Variants in GPM6B observed in about 807,000 individuals in gnomAD.
GPM6B encodes glycoprotein M6B.
Under a neutral mutation model 27.2 loss-of-function variants are expected in GPM6B, and 4 were observed. That is an observed-to-expected ratio of 0.15 (90% CI 0.07 to 0.34). The LOEUF (loss-of-function observed/expected upper bound fraction) is 0.34, where lower values mean the gene tolerates loss of function less well. Among genes scored for constraint, GPM6B ranks in the 10% least tolerant of loss-of-function variants. The pLI, the probability that GPM6B is intolerant of heterozygous loss-of-function variation, is 1.00. For synonymous variants in GPM6B, 124 were observed against 103.1 expected (o/e 1.20, Z -1.23); for missense variants, 183 against 261.9 (o/e 0.70, Z 2.08).
At position 13,919,491 on chromosome X, in the gene GPM6B, A is replaced by G. The variant is rs1314903938; in HGVS notation, c.-198+18836T>C. 2.7e-5 allele frequency among the ~76,000 whole-genome samples: 3 copies of G among 112,373 alleles called. No individual in the cohort carries two copies. In the South Asian group the frequency reaches 1.1e-3, roughly 41 times the overall value. On this transcript the variant is annotated intron_variant, in intron 1 of 6. Coordinates refer to the GPM6B transcript ENST00000398361. Reference sequence around the variant, plus strand: ...GATGTTAAAGATGCACCAACTGAAAATTTATAGTAAGATAGAGATCCAAAT... The same window carrying G: ...GATGTTAAAGATGCACCAACTGAAAGTTTATAGTAAGATAGAGATCCAAAT...
Position 13,802,517 on chromosome X carries a change from GATAA to G in GPM6B, c.181+5129_181+5132del, listed in dbSNP as rs1472648272. 5.7e-3 allele frequency among the ~76,000 whole-genome samples: 601 copies of G among 105,992 alleles called. 5 individuals carry two copies. The highest frequency in any genetic ancestry group is 0.02 in the African/African-American group (574 of 29,298). The allele number at this position is 105,992 out of a possible 115,157, so 92.0% of individuals were successfully genotyped here. ...AAACAATCAAGAAATTACTTATATC[GATAA>G]GTATTTGTTTACAGCTATATATAAA... On this transcript the variant is annotated intron_variant, in intron 2 of 7. Transcript: ENST00000316715.
chrX:13,892,469 T>G (rs955634565), intron 1 of GPM6B, among the ~76,000 whole-genome samples: 1 of 112,408 alleles, frequency 8.9e-6, no homozygotes, highest in East Asian at 2.8e-4. Context: ...AATCAATTTC[T>G]GTCCATGCTT....
intron 1 of GPM6B, among the ~76,000 whole-genome samples, chrX:13,825,420 G>A (rs748055289): frequency 8.9e-6 from 1 of 112,233 alleles, no homozygotes; most frequent in East Asian, 2.8e-4. Flanking sequence ...CCTTTCAGGT[G>A]CCTCCTAATT....
chrX:13,799,532 G>A (rs752628284), intron 2 of GPM6B, among the ~76,000 whole-genome samples: 1 of 109,798 alleles, frequency 9.1e-6, no homozygotes, highest in Non-Finnish European at 1.9e-5. Flanking sequence ...CAGAGTGCAA[G>A]GTCTTGACCA....
At chrX:13,872,694 C>T (rs775967183) in intron 1 of GPM6B, among the ~76,000 whole-genome samples, 1 of 108,806 alleles carries the variant, frequency 9.2e-6, no homozygotes, top group Admixed American at 9.8e-5. Flanking sequence ...ATTTAGAGGG[C>T]GAACAGAGCA....
intron 1 of GPM6B, among the ~76,000 whole-genome samples, chrX:13,813,409 G>A (rs2147192205): frequency 9.0e-6 from 1 of 111,178 alleles, no homozygotes; most frequent in African/African-American, 3.3e-5. Flanking sequence ...ATTACACATT[G>A]TTTCCCATTC....
intron 1 of GPM6B, among the ~76,000 whole-genome samples, chrX:13,868,973 C>G (rs964997864): frequency 4.5e-5 from 5 of 112,145 alleles, no homozygotes; most frequent in African/African-American, 1.6e-4. Flanking sequence ...TCCTAAGAGT[C>G]TATCTTCTGG....
At chrX:13,817,520 C>T (rs922965952), upstream of GPM6B, among the ~76,000 whole-genome samples, 6 of 112,523 alleles carry the variant, frequency 5.3e-5, no homozygotes, top group Admixed American at 5.6e-4. Context: ...AGGCATGACA[C>T]TTTCTTTCCT....
At chrX:13,885,659 G>A (rs1272354964) in intron 1 of GPM6B, among the ~76,000 whole-genome samples, 1 of 111,351 alleles carries the variant, frequency 9.0e-6, no homozygotes, top group Non-Finnish European at 1.9e-5. Flanking sequence ...AGGATGCAAA[G>A]GTCTTTTGTA....
intron 1 of GPM6B, among the ~76,000 whole-genome samples, chrX:13,908,669 G>A (rs900404717): frequency 1.8e-5 from 2 of 112,518 alleles, no homozygotes; most frequent in Non-Finnish European, 3.7e-5. Flanking sequence ...GATTATGTAA[G>A]TTGTTAAGGT....
intron 1 of GPM6B, among the ~76,000 whole-genome samples, chrX:13,864,727 C>T (rs186276477): frequency 9.0e-6 from 1 of 111,521 alleles, no homozygotes; most frequent in East Asian, 2.8e-4. Context: ...GTATGAAAGA[C>T]AGAGAATGGC....
intron 2 of GPM6B, among the ~76,000 whole-genome samples, chrX:13,797,189 G>A (rs1450192746): frequency 1.8e-5 from 2 of 112,271 alleles, no homozygotes; most frequent in African/African-American, 3.2e-5. Flanking sequence ...CCATGTGCAA[G>A]CCACTGTGGT....
At position 13,936,126 on chromosome X, in the gene GPM6B, T is replaced by C. The variant is rs777016882; in HGVS notation, c.-198+2201A>G. On this transcript the variant is annotated intron_variant, in intron 1 of 6. Transcript: ENST00000398361. ...TCTAACATTAGATAGTAGTGATGGC[T>C]GCACAAATCTGAATATACTGAAGAC... is the stretch of plus-strand genomic sequence containing the variant. Among the ~76,000 whole-genome samples, 21 of 111,879 alleles carry C rather than the reference T, an allele frequency of 1.9e-4. No homozygotes were observed. In the South Asian group the frequency reaches 3.4e-3, roughly 18 times the overall value.
intron 1 of GPM6B, among the ~76,000 whole-genome samples, chrX:13,860,909 C>A (rs1268375003): frequency 9.2e-6 from 1 of 109,127 alleles, no homozygotes; most frequent in East Asian, 2.9e-4. Context: ...TGAGTTACTT[C>A]ATTTAGAATA....
At chrX:13,923,620 A>G (rs1921029941) in intron 1 of GPM6B, among the ~76,000 whole-genome samples, 1 of 112,567 alleles carries the variant, frequency 8.9e-6, no homozygotes, top group Non-Finnish European at 1.9e-5. Context: ...GTAATCTTGA[A>G]TTGACCAAGG....
chrX:13,908,247 G>A (rs1190922523), intron 1 of GPM6B, among the ~76,000 whole-genome samples: 1 of 111,339 alleles, frequency 9.0e-6, no homozygotes, highest in African/African-American at 3.3e-5. Flanking sequence ...ACCTGCAGAT[G>A]CCCCCCTTAA....
intron 1 of GPM6B, among the ~76,000 whole-genome samples, chrX:13,853,568 G>A (rs2049744386): frequency 1.2e-5 from 1 of 86,837 alleles, no homozygotes; most frequent in South Asian, 6.3e-4. Flanking sequence ...TACTCCCTGG[G>A]CGACAGGGTG....
intron 1 of GPM6B, among the ~76,000 whole-genome samples, chrX:13,854,057 T>C (rs2049752599): frequency 1.8e-5 from 2 of 111,606 alleles, no homozygotes; most frequent in African/African-American, 6.5e-5. Context: ...TCAGGTAGGC[T>C]AGCCAGCTGG....
At chrX:13,857,332 A>T (rs1030944137) in intron 1 of GPM6B, among the ~76,000 whole-genome samples, 2 of 112,324 alleles carry the variant, frequency 1.8e-5, no homozygotes, top group Non-Finnish European at 3.8e-5. Flanking sequence ...GGCAATAATT[A>T]CTAGCCAACC....
Sources: gnomAD v4.1 joint callset for allele counts (sites outside exome capture counted in the v4.1 genomes callset) on GRCh38, gnomAD v4.1.1 for gene constraint, MANE v1.5 for transcripts, NCBI Gene and HGNC (gene_info 2026-07-23, HGNC 2026-07-21) for gene names.